CLEC4M: variants seen among roughly 807,000 people sequenced by gnomAD.
CLEC4M encodes the protein C-type lectin domain family 4 member M, also known as CD209 antigen-like protein 1.
A neutral mutation model predicts 39.1 loss-of-function variants in CLEC4M; 25 were observed. The observed-to-expected ratio is 0.64, with a 90% confidence interval of 0.47 to 0.89. The LOEUF (loss-of-function observed/expected upper bound fraction) is 0.89. Ranked by LOEUF, CLEC4M falls within the 40% of genes least tolerant of loss-of-function variation. The pLI is 0.00. For missense variants in CLEC4M, 353 were observed against 431.4 expected, an observed-to-expected ratio of 0.82 and a Z score of 1.61; for synonymous variants, 155 against 177.4, an observed-to-expected ratio of 0.87 and a Z score of 1.00.
At position 7,765,353 on chromosome 19, in the gene CLEC4M, G is replaced by A. The variant is rs772467195; in HGVS notation, c.214+85G>A. 3 of 1,495,286 alleles carry A rather than the reference G, an allele frequency of 2.0e-6. No individual in the cohort carries two copies. The South Asian group carries it at 3.4e-5, about 17-fold the overall frequency. 92.6% of individuals were successfully genotyped at this position (1,495,286 alleles called of 1,614,324 possible). On this transcript the variant is annotated intron_variant, in intron 3 of 6. Transcript: ENST00000327325. ...AGCCTGGAGTGGCCAGGTCTGGGAGGGAGGTGGGACTGAGAGCCAAGATGT... is the reference window on the plus strand; with the variant it reads ...AGCCTGGAGTGGCCAGGTCTGGGAGAGAGGTGGGACTGAGAGCCAAGATGT...
At chr19:7,763,335 G>T (rs764322701) in intron 1 of CLEC4M, 23 bp downstream of exon 1, 4 of 1,611,918 alleles carry the variant, frequency 2.5e-6, no homozygotes, top group Non-Finnish European at 3.4e-6. Context: ...TGGAACTCTG[G>T]GATCCTGGGT....
Position 7,768,965 on chromosome 19 carries a change from G to T in CLEC4M, c.1177G>T (p.Ala393Ser). Residue 393 changes from alanine to serine, a missense_variant, in exon 7 of 7, where the codon GCA becomes TCA. Around this residue, in one of 4 missense-constraint regions of CLEC4M, gnomAD observed 196 missense variants for 211.7 expected, o/e 0.93. Coordinates refer to ENST00000327325, the MANE Select transcript of CLEC4M (RefSeq NM_014257.5). ...VDNYWICKKPAACFRDE is the reference protein window; with the variant it reads ...VDNYWICKKPSACFRDE ...CAATTACTGGATCTGCAAAAAGCCC[G>T]CAGCCTGCTTCAGAGACGAATAGTT... 1 of 1,614,052 alleles carries T rather than the reference G, an allele frequency of 6.2e-7. No individual in the cohort carries two copies. The highest frequency in any genetic ancestry group is 8.5e-7 in the Non-Finnish European group (1 of 1,179,936).
chr19:7,765,654 C>T lies in CLEC4M; in HGVS notation c.231C>T (p.Ser77=). 1 of 1,614,234 alleles carries T rather than the reference C, an allele frequency of 6.2e-7. No individual in the cohort carries two copies. Among genetic ancestry groups the T allele is most frequent in the South Asian group, 1.1e-5 (1 of 91,078 alleles). The change falls in exon 4 of 7, where the codon AGC becomes AGT. Residue 77 remains serine, a synonymous_variant. Coordinates refer to ENST00000327325, the MANE Select transcript of CLEC4M (RefSeq NM_014257.5). ...TTGGCCCAGTGTCCAAGGTCCCCAG[C>T]TCCCTAAGTCAGGAACAATCCGAGC... ...AILVQVSKVP[S]SLSQEQSEQD...
chr19:7,768,585 A>C, intron 6 of CLEC4M: 1 of 327,950 alleles, frequency 3.0e-6, no homozygotes, highest in Non-Finnish European at 5.6e-6. Context: ...CAAAAAAAGA[A>C]AAAGAGAAAG....
Position 7,766,216 on chromosome 19 carries a change from C to G in CLEC4M, c.784+9C>G. On this transcript the variant is annotated intron_variant, in intron 4 of 6. Coordinates refer to ENST00000327325, the MANE Select transcript of CLEC4M (RefSeq NM_014257.5). ...TTTGAAGACTGCATTTGGTGAGTTCCTGCACATCAAGGGTCCTTGGGCCTG... is the reference window on the plus strand; with the variant it reads ...TTTGAAGACTGCATTTGGTGAGTTCGTGCACATCAAGGGTCCTTGGGCCTG... 1 of 1,613,918 alleles carries G rather than the reference C, an allele frequency of 6.2e-7. No individual in the cohort carries two copies. Among genetic ancestry groups the G allele is most frequent in the Non-Finnish European group, 8.5e-7 (1 of 1,179,852 alleles).
chr19:7,769,221 G>T lies in CLEC4M; in HGVS notation c.*233G>T. 4.5e-6 allele frequency: 2 copies of T among 440,520 alleles called. No homozygotes were observed. Among genetic ancestry groups the T allele is most frequent in the South Asian group, 5.7e-5 (2 of 35,242 alleles). 27.3% of individuals were successfully genotyped at this position (440,520 alleles called of 1,614,324 possible). On this transcript the variant is annotated 3_prime_UTR_variant, in exon 7 of 7. Transcript: ENST00000327325. ...ATCCTTGGAGCTTTATAAGTGACCT[G>T]AGTGGGATGCATTTAGGGGGCGGGC...
At chr19:7,764,927 G>GC (rs1416092033) in intron 2 of CLEC4M, among the ~76,000 whole-genome samples, 1 of 152,070 alleles carries the variant, frequency 6.6e-6, no homozygotes, top group Non-Finnish European at 1.5e-5. Context: ...GGAGGTGGAC[G>GC]CAGGTACCTG....
chr19:7,768,926 C>T lies in CLEC4M; in HGVS notation c.1138C>T (p.Arg380Ter), dbSNP rs1172005063. Residue 380 changes from arginine (R) to a stop codon, truncating the protein, a stop_gained, in exon 7 of 7, where the codon CGA (arginine) becomes TGA (stop). Transcript: ENST00000327325. LOFTEE classifies it low-confidence loss of function (END_TRUNC). ...EFSGSGWNDN[R>*]CDVDNYWICK... ...TAGTGGCAGTGGCTGGAACGACAAT[C>T]GATGTGACGTTGACAATTACTGGAT... 7 of 1,614,078 alleles carry T rather than the reference C, an allele frequency of 4.3e-6. No individual in the cohort carries two copies. Among genetic ancestry groups the T allele is most frequent in the Non-Finnish European group, 5.9e-6 (7 of 1,179,986 alleles).
intron 2 of CLEC4M, among the ~76,000 whole-genome samples, chr19:7,764,416 G>C (rs1394982190): frequency 6.6e-6 from 1 of 151,968 alleles, no homozygotes; most frequent in Non-Finnish European, 1.5e-5. Flanking sequence ...GAGAGATAAG[G>C]CTCACTAGCC....
Position 7,765,184 on chromosome 19 carries a change from G to C in CLEC4M, c.131-1G>C. On this transcript the variant is annotated splice_acceptor_variant, in intron 2 of 6. Transcript: ENST00000327325. LOFTEE classifies it high-confidence loss of function. The stretch of plus-strand genomic sequence containing the variant: ...AGGCTGACGCATGTATCCTCTCTCA[G>C]GGTGTCTTGGCCATGGCGCCCTGGT... 1.9e-6 allele frequency: 3 copies of C among 1,614,116 alleles called. No homozygotes were observed. Among genetic ancestry groups the C allele is most frequent in the Non-Finnish European group, 2.5e-6 (3 of 1,179,972 alleles).
Position 7,767,609 on chromosome 19 carries a change from G to C in CLEC4M, c.1030G>C (p.Gly344Arg). The C allele has an allele frequency of 6.2e-7, 1 of 1,614,108 alleles. No individual in the cohort carries two copies. The highest frequency in any genetic ancestry group is 1.1e-5 in the South Asian group (1 of 91,086). Residue 344 changes from glycine to arginine, a missense_variant, in exon 6 of 7, where the codon GGC (glycine) becomes CGC (arginine). Around this residue, in one of 4 missense-constraint regions of CLEC4M, gnomAD observed 196 missense variants for 211.7 expected, o/e 0.93. Transcript: ENST00000327325. Reference protein sequence around the residue: ...NQEGTWQWVDGSPLSPSFQRY... With the variant: ...NQEGTWQWVDRSPLSPSFQRY... ...GGAAGGCACGTGGCAATGGGTGGAC[G>C]GCTCACCTCTGTCACCCAGGTAGAT...
At chr19:7,768,671 C>T (rs545355620) in intron 6 of CLEC4M, 167 bp from the exon 7 acceptor site, 2 of 646,976 alleles carry the variant, frequency 3.1e-6, no homozygotes, top group African/African-American at 1.8e-5. Context: ...GCAAGAGAGG[C>T]AGGAACTGAA....
rs2034426228 is a variant in CLEC4M, at chr19:7,769,484, G to A, written c.*496G>A. On this transcript the variant is annotated 3_prime_UTR_variant, in exon 7 of 7. Coordinates refer to ENST00000327325, the MANE Select transcript of CLEC4M (RefSeq NM_014257.5). ...CCAGTCAACCAATGGCATCCAGAGA[G>A]GGCATGGAGGCTCCATACAACCTCT... 1 of 157,858 alleles carries A rather than the reference G, an allele frequency of 6.3e-6. No homozygotes were observed. The highest frequency in any genetic ancestry group is 1.4e-5 in the Non-Finnish European group (1 of 70,942). The allele number at this position is 157,858 out of a possible 1,614,324, so 9.8% of individuals were successfully genotyped here. A position where few individuals can be genotyped will look rare whatever the true frequency, so the allele number is the denominator to read the frequency against.
chr19:7,766,830 T>A, intron 5 of CLEC4M, 23 bp downstream of exon 5: 1 of 1,614,106 alleles, frequency 6.2e-7, no homozygotes, highest in South Asian at 1.1e-5. Context: ...GGGGTCCTCG[T>A]CCTGGCCTGG....
intron 2 of CLEC4M, 92 bp from the exon 3 acceptor site, chr19:7,765,093 G>C: frequency 7.2e-7 from 1 of 1,397,056 alleles, no homozygotes; most frequent in Non-Finnish European, 1.0e-6. Context: ...TGGGGTTCCT[G>C]GGTCCTGGGG....
rs2034336296 is a variant in CLEC4M at position 7,767,606 on chromosome 19, G to A, written c.1027G>A (p.Asp343Asn). ...LNQEGTWQWV[D>N]GSPLSPSFQR... ...TCAGGAAGGCACGTGGCAATGGGTG[G>A]ACGGCTCACCTCTGTCACCCAGGTA... The change falls in exon 6 of 7, where the codon GAC becomes AAC. Residue 343 changes from aspartate (D) to asparagine (N), a missense_variant. By Grantham distance (23) the Asp-to-Asn change is conservative. This residue lies in a region of CLEC4M where 196 missense variants were observed against 211.7 expected (regional missense o/e 0.93). Transcript: ENST00000327325. 1.9e-6 allele frequency: 3 copies of A among 1,614,144 alleles called. No homozygotes were observed. The highest frequency in any genetic ancestry group is 1.7e-6 in the Non-Finnish European group (2 of 1,179,968).
At chr19:7,766,573 T>C (rs1398127137) in intron 4 of CLEC4M, 83 bp from the exon 5 acceptor site, 3 of 1,591,124 alleles carry the variant, frequency 1.9e-6, no homozygotes, top group Non-Finnish European at 2.6e-6. Context: ...AGGGCCCTGA[T>C]TTTCAAGGGC....
rs777274733 is a variant in CLEC4M, at chr19:7,768,835, C to T, written c.1050-3C>T. 1.1e-5 allele frequency: 17 copies of T among 1,613,362 alleles called. No individual in the cohort carries two copies. The highest frequency in any genetic ancestry group is 1.4e-5 in the Non-Finnish European group (16 of 1,179,478). ...AGGCTCACATTCTGCATGGGCTTTG[C>T]AGCTTCCAGCGGTACTGGAACAGTG... On this transcript the variant is annotated splice_polypyrimidine_tract_variant and splice_region_variant and intron_variant, in intron 6 of 6. Coordinates refer to ENST00000327325, the MANE Select transcript of CLEC4M (RefSeq NM_014257.5).
At chr19:7,767,778 T>C (rs2161525) in intron 6 of CLEC4M, 150 bp downstream of exon 6, 248,965 of 631,844 alleles carry the variant, frequency 0.39, 50,356 homozygotes, top group African/African-American at 0.54. Flanking sequence ...GTGGTCTTCA[T>C]ACCCACCTCC....
Sources: gnomAD v4.1 joint callset for allele counts (sites outside exome capture counted in the v4.1 genomes callset) on GRCh38, gnomAD v4.1.1 for gene constraint, gnomAD v4.1.1 regional missense constraint, MANE v1.5 for transcripts, NCBI Gene and HGNC (gene_info 2026-07-23, HGNC 2026-07-21) for gene names.